RABGAP1: variants seen among roughly 807,000 people sequenced by gnomAD.
RABGAP1 encodes the protein RAB GTPase activating protein 1.
RABGAP1 carries 23 observed loss-of-function variants against 137.6 expected under a neutral mutation model. The observed-to-expected ratio is 0.17, with a 90% CI of 0.12 to 0.24. The LOEUF (loss-of-function observed/expected upper bound fraction) is 0.24, where lower values mean the gene tolerates loss of function less well. Ranked by LOEUF, RABGAP1 falls within the 10% of genes least tolerant of loss-of-function variation. The pLI, the probability that RABGAP1 is intolerant of heterozygous loss-of-function variation, is 1.00. For synonymous variants in RABGAP1, 451 were observed against 450.7 expected (o/e 1.00, Z -0.01); for missense variants, 906 against 1,275.8 (o/e 0.71, Z 4.42).
In RABGAP1 at chr9:122,957,084, A is replaced by C; in HGVS notation, c.25A>C (p.Lys9Gln). Reference protein sequence around the residue: MDDKASVGKISVSSDSVST... With the variant: MDDKASVGQISVSSDSVST... ...TATGGATGACAAGGCTTCTGTTGGA[A>C]AAATCAGTGTCTCTTCAGACTCAGT... Residue 9 changes from lysine to glutamine, a missense_variant, in exon 2 of 26, where the codon AAA becomes CAA. Lys to Gln is a moderately conservative substitution (Grantham distance 53, BLOSUM62 1). Coordinates refer to ENST00000373647, the MANE Select transcript of RABGAP1 (RefSeq NM_012197.4). The C allele has an allele frequency of 2.0e-6, 3 of 1,527,346 alleles. No homozygotes were observed. The highest frequency in any genetic ancestry group is 2.7e-6 in the Non-Finnish European group (3 of 1,120,668). 94.6% of individuals were successfully genotyped at this position (1,527,346 alleles called of 1,614,324 possible).
At chr9:123,016,837 T>C (rs900361089) in intron 12 of RABGAP1, among the ~76,000 whole-genome samples, 1 of 152,224 alleles carries the variant, frequency 6.6e-6, no homozygotes, top group African/African-American at 2.4e-5. Flanking sequence ...TTTTAAAGCA[T>C]TGTGTCATGC....
chr9:123,091,177 A>G (rs1214636794), intron 21 of RABGAP1, among the ~76,000 whole-genome samples: 2 of 152,048 alleles, frequency 1.3e-5, no homozygotes, highest in East Asian at 3.8e-4. Context: ...TAGTTTGCCA[A>G]CCCTTTAGGT....
intron 17 of RABGAP1, 152 bp from the exon 18 acceptor site, chr9:123,076,093 C>CT (rs1393533982): frequency 1.3e-6 from 1 of 780,446 alleles, no homozygotes; most frequent in Admixed American, 3.6e-5. Flanking sequence ...TTCAATGGCC[C>CT]TTTAGTTTTT....
Position 123,063,281 on chromosome 9 carries a change from G to C in RABGAP1, c.1795-2067G>C, listed in dbSNP as rs1396408251. On this transcript the variant is annotated intron_variant, in intron 13 of 25. Coordinates refer to ENST00000373647, the MANE Select transcript of RABGAP1 (RefSeq NM_012197.4). The stretch of plus-strand genomic sequence containing the variant: ...ATTCTTAGCATTTTTTAGAGCTTCT[G>C]TTGTTGTTTTATAGAATTCCTAAAT... 2.0e-5 allele frequency: 3 copies of C among 152,824 alleles called. No individual in the cohort carries two copies. In the Admixed American group the frequency reaches 2.0e-4, roughly 10 times the overall value. 9.5% of individuals were successfully genotyped at this position (152,824 alleles called of 1,614,324 possible).
At chr9:123,071,979 A>G (rs1018300585) in intron 15 of RABGAP1, among the ~76,000 whole-genome samples, 1 of 152,188 alleles carries the variant, frequency 6.6e-6, no homozygotes, top group African/African-American at 2.4e-5. Flanking sequence ...AGGAGTCTGA[A>G]TCTTGCTTTT....
At chr9:123,043,221 C>T (rs992500504) in intron 13 of RABGAP1, among the ~76,000 whole-genome samples, 1 of 152,086 alleles carries the variant, frequency 6.6e-6, no homozygotes, top group Non-Finnish European at 1.5e-5. Flanking sequence ...ATACAGAATC[C>T]AGGAAACAGG....
At chr9:123,011,823 C>T (rs1007893212) in intron 11 of RABGAP1, among the ~76,000 whole-genome samples, 1 of 152,094 alleles carries the variant, frequency 6.6e-6, no homozygotes, top group African/African-American at 2.4e-5. Context: ...GGTGTGATGG[C>T]GCATGCCTGT....
At chr9:123,055,026 G>A (rs953212527) in intron 13 of RABGAP1, among the ~76,000 whole-genome samples, 12 of 152,152 alleles carry the variant, frequency 7.9e-5, no homozygotes, top group Non-Finnish European at 1.3e-4. Flanking sequence ...GGAAGTCACT[G>A]TGCACAGCCC....
chr9:123,021,512 G>T (rs2031639316), intron 13 of RABGAP1, among the ~76,000 whole-genome samples: 1 of 151,876 alleles, frequency 6.6e-6, no homozygotes, highest in South Asian at 2.1e-4. Context: ...TAGAGAGTAG[G>T]GTTTCTCCAT....
Position 122,956,425 on chromosome 9 carries a change from C to T in RABGAP1, c.-49-586C>T, listed in dbSNP as rs147830246. On this transcript the variant is annotated intron_variant, in intron 1 of 25. Coordinates refer to ENST00000373647, the MANE Select transcript of RABGAP1 (RefSeq NM_012197.4). ...AAATTAGACGGTAGGCCGAGACCGGCGGATCACGAGGTCAGGAGATCAAGA... is the reference window on the plus strand; with the variant it reads ...AAATTAGACGGTAGGCCGAGACCGGTGGATCACGAGGTCAGGAGATCAAGA... Among the ~76,000 whole-genome samples the T allele has an allele frequency of 5.3e-3, 800 of 152,202 alleles. 5 individuals carry two copies. Among genetic ancestry groups the T allele is most frequent in the Non-Finnish European group, 7.1e-3 (481 of 67,996 alleles).
chr9:122,984,749 G>A, intron 3 of RABGAP1, 30 bp downstream of exon 3: 1 of 1,591,868 alleles, frequency 6.3e-7, no homozygotes, highest in South Asian at 1.1e-5. Context: ...TTGCGTAACT[G>A]AAGGTTATTG....
intron 13 of RABGAP1, among the ~76,000 whole-genome samples, chr9:123,028,447 G>A (rs1764274715): frequency 6.6e-6 from 1 of 152,344 alleles, no homozygotes; most frequent in African/African-American, 2.4e-5. Context: ...TACTGCATAT[G>A]ACATGAAGGA....
chr9:122,947,762 G>T (rs1053992631), intron 1 of RABGAP1, among the ~76,000 whole-genome samples: 1 of 152,070 alleles, frequency 6.6e-6, no homozygotes. Flanking sequence ...TTTGGTTTTG[G>T]TTTTTTAACG....
At chr9:123,032,578 G>A (rs1265086412) in intron 13 of RABGAP1, among the ~76,000 whole-genome samples, 1 of 152,194 alleles carries the variant, frequency 6.6e-6, no homozygotes, top group Non-Finnish European at 1.5e-5. Flanking sequence ...GAAAGCATGT[G>A]TATAAAATGA....
chr9:122,984,348 A>G (rs757192937), intron 2 of RABGAP1, 137 bp from the exon 3 acceptor site: 32 of 755,802 alleles, frequency 4.2e-5, no homozygotes, highest in Non-Finnish European at 6.6e-5. Flanking sequence ...GATTTATTCT[A>G]TTTTTAAAAA....
At chr9:123,011,596 A>G (rs1000682790) in intron 11 of RABGAP1, among the ~76,000 whole-genome samples, 2 of 152,208 alleles carry the variant, frequency 1.3e-5, no homozygotes, top group African/African-American at 4.8e-5. Context: ...GCCACTAATT[A>G]CTGTGCTTAA....
At chr9:123,050,397 C>T (rs1375270255) in intron 13 of RABGAP1, among the ~76,000 whole-genome samples, 1 of 152,208 alleles carries the variant, frequency 6.6e-6, no homozygotes, top group Non-Finnish European at 1.5e-5. Flanking sequence ...AAAGCAATAT[C>T]TACACACAAA....
intron 1 of RABGAP1, among the ~76,000 whole-genome samples, chr9:122,950,369 TTTTC>T (rs1425259176): frequency 1.4e-4 from 17 of 120,724 alleles, no homozygotes; most frequent in African/African-American, 4.8e-4. Context: ...TTCTTTTTCT[TTTTC>T]TTTCTTTTTT....
chr9:123,084,798 C>T (rs552384294), intron 19 of RABGAP1, among the ~76,000 whole-genome samples: 1 of 152,322 alleles, frequency 6.6e-6, no homozygotes, highest in South Asian at 2.1e-4. Context: ...ATCTTCATAA[C>T]AGTAGTCTTC....
Sources: gnomAD v4.1 joint callset for allele counts (sites outside exome capture counted in the v4.1 genomes callset) on GRCh38, gnomAD v4.1.1 for gene constraint, MANE v1.5 for transcripts, NCBI Gene and HGNC (gene_info 2026-07-23, HGNC 2026-07-21) for gene names.